The following ANKRD26 variants were observed in gnomAD, a reference collection of about 807,000 sequenced individuals.
ANKRD26 encodes ankyrin repeat domain-containing protein 26.
In ANKRD26, 141 loss-of-function variants were observed where a neutral mutation model predicts 208.7. The ratio of observed to expected loss-of-function variants is 0.68; its 90% CI spans 0.59 to 0.78. ANKRD26 has a LOEUF of 0.78. ANKRD26 is among the 30% of genes least tolerant of loss of function. The pLI is 0.00. For missense variants in ANKRD26, 1,889 were observed against 1,938.7 expected (o/e 0.97, Z 0.48); for synonymous variants, 636 against 660.4 (o/e 0.96, Z 0.57).
rs938751843 is a variant in ANKRD26, at chr10:27,004,912, G to A, written c.*678C>T. 2.4e-6 allele frequency: 1 copy of A among 417,992 alleles called. No individual in the cohort carries two copies. Among genetic ancestry groups the A allele is most frequent in the African/African-American group, 2.2e-5 (1 of 46,266 alleles). 25.9% of individuals were successfully genotyped at this position (417,992 alleles called of 1,614,324 possible). On this transcript the variant is annotated 3_prime_UTR_variant, in exon 34 of 34. Coordinates refer to ENST00000376087, the MANE Select transcript of ANKRD26 (RefSeq NM_014915.3). ...ATTGCAAGGTTTGCACTGTAGTTATGTAGAATGTCCTGACTTGTAGGAATG... is the reference window on the plus strand; with the variant it reads ...ATTGCAAGGTTTGCACTGTAGTTATATAGAATGTCCTGACTTGTAGGAATG...
chr10:26,992,131 T>C (rs1042564419), intron 5 of ANKRD26: 2 of 152,190 alleles, frequency 1.3e-5, no homozygotes, highest in Admixed American at 6.6e-5. Flanking sequence ...TATGTAACTT[T>C]TTTATCTTTG....
At chr10:27,034,652 T>G (rs541337042) in intron 24 of ANKRD26, 144 bp downstream of exon 24, 1 of 553,328 alleles carries the variant, frequency 1.8e-6, no homozygotes. Flanking sequence ...TCAGCTCTTT[T>G]ATTTGCTGAA....
intron 5 of ANKRD26, among the ~76,000 whole-genome samples, chr10:26,992,234 CAA>C (rs1169368820): frequency 6.6e-6 from 1 of 152,050 alleles, no homozygotes; most frequent in Non-Finnish European, 1.5e-5. Flanking sequence ...TTTGAGGTCC[CAA>C]GATTTCTTTT....
At chr10:26,986,873 A>G (rs1340354127) in intron 3 of ANKRD26, among the ~76,000 whole-genome samples, 3 of 152,160 alleles carry the variant, frequency 2.0e-5, no homozygotes, top group African/African-American at 4.8e-5. Flanking sequence ...TCAATGTGGC[A>G]ATTCCTCAGG....
At chr10:27,051,802 T>C (rs886782800) in intron 16 of ANKRD26, 2 of 985,268 alleles carry the variant, frequency 2.0e-6, no homozygotes, top group Non-Finnish European at 2.4e-6. Context: ...GGTATTTCCT[T>C]TAAGTTTGTG....
chr10:27,028,748 A>C, intron 27 of ANKRD26, 104 bp downstream of exon 27: 1 of 956,204 alleles, frequency 1.0e-6, no homozygotes, highest in Non-Finnish European at 1.6e-6. Flanking sequence ...CCAAAATCTG[A>C]AACACTTCTG....
At chr10:26,997,916 G>A (rs868030146) in intron 4 of ANKRD26, among the ~76,000 whole-genome samples, 3 of 152,140 alleles carry the variant, frequency 2.0e-5, no homozygotes, top group Admixed American at 6.5e-5. Context: ...CCATACTAGC[G>A]TCGGCCCCCT....
intron 4 of ANKRD26, among the ~76,000 whole-genome samples, chr10:26,996,880 C>T (rs1034374142): frequency 6.6e-6 from 1 of 152,094 alleles, no homozygotes; most frequent in African/African-American, 2.4e-5. Flanking sequence ...TCTCTCTTCT[C>T]CGCTAATGTT....
chr10:26,976,996 T>A (rs1008566030), intron 5 of ANKRD26, among the ~76,000 whole-genome samples: 2 of 152,090 alleles, frequency 1.3e-5, no homozygotes, highest in Non-Finnish European at 2.9e-5. Context: ...TAGGGAAAGC[T>A]CAGTTCCTTC....
chr10:26,965,412 G>A, the ANKRD26 span, among the ~76,000 whole-genome samples: 2 of 152,170 alleles, frequency 1.3e-5, no homozygotes, highest in Non-Finnish European at 2.9e-5. Flanking sequence ...ATGGTGCTGG[G>A]AAAACTGGCT....
At chr10:26,993,933 G>C (rs533530692) in intron 5 of ANKRD26, among the ~76,000 whole-genome samples, 34 of 152,210 alleles carry the variant, frequency 2.2e-4, no homozygotes, top group African/African-American at 7.9e-4. Flanking sequence ...CAAGGCACAG[G>C]GACAGAGGAT....
Position 27,017,633 on chromosome 10 carries a change from T to C in ANKRD26, c.4375A>G (p.Ile1459Val), listed in dbSNP as rs1339146353. ...KNKKKLEQEV[I>V]NLRSHIERNM... The stretch of plus-strand genomic sequence containing the variant: ...CTTTCTATATGACTTCTCAGGTTGA[T>C]CACTTCTTGTTCCAACTTCTTTTTA... The change falls in exon 30 of 34, where the codon ATC becomes GTC. Residue 1459 changes from isoleucine to valine, a missense_variant. Physicochemically the swap from Ile to Val is conservative, Grantham distance 29. This residue lies in a region of ANKRD26 where 613 missense variants were observed against 648.2 expected (regional missense o/e 0.95). Transcript: ENST00000376087. 1.2e-6 allele frequency: 2 copies of C among 1,613,720 alleles called. No homozygotes were observed. Among genetic ancestry groups the C allele is most frequent in the Non-Finnish European group, 8.5e-7 (1 of 1,179,850 alleles).
chr10:27,004,168 A>G lies in ANKRD26; in HGVS notation c.*1422T>C, dbSNP rs1268373725. The G allele has an allele frequency of 6.6e-6, 1 of 152,190 alleles. No individual in the cohort carries two copies. Among genetic ancestry groups the G allele is most frequent in the African/African-American group, 2.4e-5 (1 of 41,438 alleles). The allele number at this position is 152,190 out of a possible 1,614,324, so 9.4% of individuals were successfully genotyped here. On this transcript the variant is annotated 3_prime_UTR_variant, in exon 34 of 34. Transcript: ENST00000376087. ...AGTACCTATATTCATATTCATCTAG[A>G]AAGACAGGAGGAGAAGGGGGAGAAA...
At chr10:26,975,970 T>A (rs774982409) in exon 6 of ANKRD26, among the ~76,000 whole-genome samples, 1 of 152,150 alleles carries the variant, frequency 6.6e-6, no homozygotes, top group Non-Finnish European at 1.5e-5. Flanking sequence ...TCTTACCTCC[T>A]GGAAAATTGC....
downstream of ANKRD26, among the ~76,000 whole-genome samples, chr10:26,999,813 A>ACC (rs2052680739): frequency 6.6e-6 from 1 of 151,422 alleles, no homozygotes; most frequent in South Asian, 2.1e-4. Context: ...CAACCAAAAA[A>ACC]AAAAAAAAAA....
chr10:27,097,181 C>G (rs2056495461), intron 1 of ANKRD26, among the ~76,000 whole-genome samples: 1 of 148,060 alleles, frequency 6.8e-6, no homozygotes, highest in South Asian at 2.1e-4. Context: ...GACTTCACCT[C>G]AAAAACAAAA....
At chr10:27,009,261 G>A (rs2053007258) in intron 32 of ANKRD26, among the ~76,000 whole-genome samples, 1 of 152,206 alleles carries the variant, frequency 6.6e-6, no homozygotes, top group African/African-American at 2.4e-5. Context: ...GGAGGGAGGT[G>A]CTCTGGGAGG....
intron 9 of ANKRD26, among the ~76,000 whole-genome samples, chr10:27,070,330 G>A (rs2055435782): frequency 6.6e-6 from 1 of 151,274 alleles, no homozygotes; most frequent in Non-Finnish European, 1.5e-5. Flanking sequence ...AACCCAGGAA[G>A]CAGAGGTTGC....
downstream of ANKRD26, among the ~76,000 whole-genome samples, chr10:26,969,856 G>A (rs558527977): frequency 3.7e-4 from 54 of 145,410 alleles, no homozygotes; most frequent in Admixed American, 3.0e-3. Context: ...ATGGAGTCTC[G>A]CTCTGTTGCC....
Sources: gnomAD v4.1 joint callset for allele counts (sites outside exome capture counted in the v4.1 genomes callset) on GRCh38, gnomAD v4.1.1 for gene constraint, gnomAD v4.1.1 regional missense constraint, MANE v1.5 for transcripts, NCBI Gene and HGNC (gene_info 2026-07-23, HGNC 2026-07-21) for gene names.